The following CADM2 variants were observed in gnomAD, a reference collection of about 807,000 sequenced individuals.
CADM2 encodes the protein cell adhesion molecule 2, also known as immunoglobulin superfamily member 4D.
A neutral mutation model predicts 49.8 loss-of-function variants in CADM2; 12 were observed. That is an observed-to-expected ratio of 0.24 (90% CI 0.15 to 0.39). The LOEUF (loss-of-function observed/expected upper bound fraction) is 0.39. CADM2 is among the 10% of genes least tolerant of loss of function. CADM2 has a pLI of 1.00. For missense variants in CADM2, 378 were observed against 492.3 expected (o/e 0.77, Z 2.20); for synonymous variants, 214 against 175.4 (o/e 1.22, Z -1.74).
At position 85,500,553 on chromosome 3, in the gene CADM2, T is replaced by G. The variant is rs570930054; in HGVS notation, c.62-225969T>G. On this transcript the variant is annotated intron_variant, in intron 1 of 9. Transcript: ENST00000383699. ...TTTTTTTTGAGACGGAGTGTCGCTCTGTTGGCCAGGGTGGAGTGCAGTGGC... is the reference window on the plus strand; with the variant it reads ...TTTTTTTTGAGACGGAGTGTCGCTCGGTTGGCCAGGGTGGAGTGCAGTGGC... Among the ~76,000 whole-genome samples the G allele has an allele frequency of 3.3e-5, 5 of 151,944 alleles. No individual in the cohort carries two copies. The East Asian group carries it at 7.8e-4, about 24-fold the overall frequency.
In CADM2 at chr3:85,367,282, A is replaced by C. The variant is rs576085710; in HGVS notation, c.62-359240A>C. 4.1e-4 allele frequency among the ~76,000 whole-genome samples: 62 copies of C among 152,112 alleles called. 1 individual carries two copies. Among genetic ancestry groups the C allele is most frequent in the African/African-American group, 1.4e-3 (60 of 41,540 alleles). ...GTAAAATGTCTTTTTCAGTTCCATA[A>C]ATATTTATTTTGTACCTATCTGACA... On this transcript the variant is annotated intron_variant, in intron 1 of 9. Transcript: ENST00000383699.
At chr3:84,987,186 C>T (rs1054942459) in intron 1 of CADM2, among the ~76,000 whole-genome samples, 1 of 151,956 alleles carries the variant, frequency 6.6e-6, no homozygotes, top group African/African-American at 2.4e-5. Flanking sequence ...GTAGCCTGGC[C>T]CAGGCTGGAG....
chr3:85,066,054 A>G (rs1001514861), intron 1 of CADM2, among the ~76,000 whole-genome samples: 10 of 152,110 alleles, frequency 6.6e-5, no homozygotes, highest in Admixed American at 2.0e-4. Flanking sequence ...GACAGTAAAC[A>G]AGTAATTGAA....
intron 1 of CADM2, among the ~76,000 whole-genome samples, chr3:85,531,984 T>C (rs2061323206): frequency 1.3e-5 from 2 of 152,170 alleles, no homozygotes; most frequent in Admixed American, 6.5e-5. Context: ...GAGACCATCC[T>C]GGCAAACACG....
At chr3:85,761,569 G>A (rs892372466) in intron 2 of CADM2, among the ~76,000 whole-genome samples, 1 of 151,568 alleles carries the variant, frequency 6.6e-6, no homozygotes, top group African/African-American at 2.4e-5. Flanking sequence ...TAGAGATGGG[G>A]TTTCACCATG....
intron 1 of CADM2, among the ~76,000 whole-genome samples, chr3:85,205,491 C>G (rs981855396): frequency 2.6e-5 from 4 of 151,906 alleles, no homozygotes; most frequent in Admixed American, 2.6e-4. Context: ...TATAGAAAAT[C>G]ACAGTGAATT....
intron 1 of CADM2, among the ~76,000 whole-genome samples, chr3:85,461,596 A>G (rs1281941333): frequency 1.3e-5 from 2 of 152,072 alleles, no homozygotes; most frequent in African/African-American, 4.8e-5. Context: ...CTGTCCCTTT[A>G]CTTTTATCCC....
In CADM2 at chr3:85,249,265, A is replaced by G. The variant is rs570191580; in HGVS notation, c.61+289597A>G. On this transcript the variant is annotated intron_variant, in intron 1 of 9. Coordinates refer to ENST00000383699, the MANE Select transcript of CADM2 (RefSeq NM_001167675.2). ...GTACAGAATTTTTACCAATTTTTCA[A>G]TCCTTGCTAATTTTAGTTAGCTATG... Among the ~76,000 whole-genome samples the G allele has an allele frequency of 4.6e-5, 7 of 152,190 alleles. No individual in the cohort carries two copies. The South Asian group carries it at 1.5e-3, about 32-fold the overall frequency.
intron 1 of CADM2, among the ~76,000 whole-genome samples, chr3:85,175,370 T>C (rs912756706): frequency 6.6e-5 from 10 of 152,182 alleles, no homozygotes; most frequent in African/African-American, 9.7e-5. Context: ...GTGTTCATCA[T>C]TGGATGAATG....
intron 1 of CADM2, among the ~76,000 whole-genome samples, chr3:85,566,850 A>G (rs2062275563): frequency 6.6e-6 from 1 of 152,190 alleles, no homozygotes; most frequent in Non-Finnish European, 1.5e-5. Flanking sequence ...GAGGAAGAAT[A>G]GGCAAAATGA....
intron 3 of CADM2, among the ~76,000 whole-genome samples, chr3:85,818,802 G>A (rs1206347618): frequency 2.0e-5 from 3 of 151,966 alleles, no homozygotes; most frequent in Admixed American, 2.0e-4. Flanking sequence ...GCTAAGGTGT[G>A]ACATCATGAT....
intron 3 of CADM2, among the ~76,000 whole-genome samples, chr3:85,866,463 C>T (rs1269800525): frequency 6.6e-6 from 1 of 152,070 alleles, no homozygotes; most frequent in African/African-American, 2.4e-5. Context: ...ACATTCCTTC[C>T]ATAGCCCTGA....
intron 1 of CADM2, among the ~76,000 whole-genome samples, chr3:85,373,136 ATCCT>A (rs1440819952): frequency 1.3e-5 from 2 of 152,186 alleles, no homozygotes; most frequent in Non-Finnish European, 2.9e-5. Context: ...AGCCCAAAGT[ATCCT>A]CTGTTACAAG....
chr3:85,207,201 T>A (rs548049998), intron 1 of CADM2, among the ~76,000 whole-genome samples: 2 of 152,268 alleles, frequency 1.3e-5, no homozygotes, highest in East Asian at 3.9e-4. Context: ...GCCTTCAGAA[T>A]AAGTGTTGAC....
intron 1 of CADM2, among the ~76,000 whole-genome samples, chr3:85,400,417 T>A (rs1184915575): frequency 1.3e-5 from 2 of 152,160 alleles, no homozygotes; most frequent in East Asian, 3.9e-4. Flanking sequence ...TCTCTTTTTT[T>A]GTTGTGTTTC....
intron 3 of CADM2, among the ~76,000 whole-genome samples, chr3:85,868,998 AT>A (rs1415825052): frequency 6.6e-6 from 1 of 152,024 alleles, no homozygotes. Context: ...TTCTTACAGC[AT>A]ATTGAGGATT....
rs531774956 is a variant in CADM2, at chr3:85,369,853, G to A, written c.62-356669G>A. 2.6e-5 allele frequency among the ~76,000 whole-genome samples: 4 copies of A among 152,178 alleles called. No individual in the cohort carries two copies. In the East Asian group the frequency reaches 5.8e-4, roughly 22 times the overall value. ...GAAGAAAAATTGATGCCACACAGCAGTCCTAAAGAAAATTACCACTGAAAC... is the reference window on the plus strand; with the variant it reads ...GAAGAAAAATTGATGCCACACAGCAATCCTAAAGAAAATTACCACTGAAAC... On this transcript the variant is annotated intron_variant, in intron 1 of 9. Transcript: ENST00000383699.
intron 1 of CADM2, among the ~76,000 whole-genome samples, chr3:85,627,423 A>G (rs1363696350): frequency 6.6e-6 from 1 of 152,078 alleles, no homozygotes; most frequent in Non-Finnish European, 1.5e-5. Context: ...ATATTCATAT[A>G]TATACATGCA....
chr3:85,292,995 C>G (rs1474495082), intron 1 of CADM2, among the ~76,000 whole-genome samples: 3 of 152,074 alleles, frequency 2.0e-5, no homozygotes, highest in Non-Finnish European at 4.4e-5. Flanking sequence ...ATTAATGATT[C>G]CAGGAGCTGG....
Sources: allele counts gnomAD v4.1 joint callset (sites outside exome capture counted in the v4.1 genomes callset), GRCh38; gene constraint gnomAD v4.1.1; transcripts MANE v1.5; gene names NCBI Gene and HGNC (gene_info 2026-07-23, HGNC 2026-07-21).